The following TUBGCP5 variants were observed in gnomAD, a reference collection of about 807,000 sequenced individuals.
The protein encoded by TUBGCP5 is gamma-tubulin complex component 5.
TUBGCP5 carries 98 observed loss-of-function variants against 134.7 expected under a neutral mutation model. The observed-to-expected ratio is 0.73, with a 90% CI of 0.62 to 0.86. TUBGCP5 has a LOEUF of 0.86. Ranked by LOEUF, TUBGCP5 falls within the 40% of genes least tolerant of loss-of-function variation. The probability of loss-of-function intolerance (pLI) is 0.00; values close to 1 mark genes in which losing one functional copy is unlikely to be tolerated. For synonymous variants in TUBGCP5, 456 were observed against 431.4 expected (o/e 1.06, Z -0.71); for missense variants, 1,150 against 1,244.8 (o/e 0.92, Z 1.15).
chr15:22,984,073 T>G (rs1436570987), intron 23 of TUBGCP5, among the ~76,000 whole-genome samples: 5 of 152,024 alleles, frequency 3.3e-5, no homozygotes, highest in Admixed American at 2.6e-4. Flanking sequence ...TGAGCTGACA[T>G]CGTGCCACTG....
intron 23 of TUBGCP5, among the ~76,000 whole-genome samples, chr15:22,993,000 C>CGGCAAATGATGCTAAAATAAGAAAAT (rs1291112227): frequency 5.8e-4 from 88 of 151,980 alleles, no homozygotes; most frequent in African/African-American, 2.0e-3. Context: ...CCTCCCCATA[C>CGGCAAATGATGCTAAAATAAGAAAAT]GGCAAATGAT....
At position 22,986,190 on chromosome 15, in the gene TUBGCP5, A is replaced by G. The variant is rs557938224; in HGVS notation, c.*62-2579T>C. Among the ~76,000 whole-genome samples, 439 of 151,714 alleles carry G rather than the reference A, an allele frequency of 2.9e-3. 4 individuals carry two copies. Among genetic ancestry groups the G allele is most frequent in the African/African-American group, 0.01 (424 of 41,424 alleles). ...AATAAAAATAAACAAAATAACAAGT[A>G]TTGGCAAGGATATGATGAAATTGGA... On this transcript the variant is annotated intron_variant and NMD_transcript_variant, in intron 23 of 23. Transcript: ENST00000614508.
Position 23,006,261 on chromosome 15 carries a change from C to A in TUBGCP5, c.2412+7G>T. 1 of 1,607,674 alleles carries A rather than the reference C, an allele frequency of 6.2e-7. No individual in the cohort carries two copies. The highest frequency in any genetic ancestry group is 8.5e-7 in the Non-Finnish European group (1 of 1,176,988). On this transcript the variant is annotated splice_region_variant and intron_variant, in intron 17 of 22. Coordinates refer to ENST00000615383, the MANE Select transcript of TUBGCP5 (RefSeq NM_052903.6). The stretch of plus-strand genomic sequence containing the variant: ...ACACGGTTCATACAAGGAATATCAG[C>A]ATATACCTTGTAGCTGAGGGTCAGA...
intron 18 of TUBGCP5, 72 bp from the exon 19 acceptor site, chr15:23,005,682 G>T: frequency 6.8e-7 from 1 of 1,462,746 alleles, no homozygotes; most frequent in Non-Finnish European, 9.4e-7. Context: ...ATGACGCCTG[G>T]CAGAAACACT....
At position 23,024,755 on chromosome 15, in the gene TUBGCP5, TATA is replaced by T. The variant is rs767185442; in HGVS notation, c.900_902del (p.Ile301del). ...AACTTACATGTGTTAAATGAGTTACTATAATATTGTTTCTCACAGTTACCTTCC... is the reference window on the plus strand; with the variant it reads ...AACTTACATGTGTTAAATGAGTTACTATATTGTTTCTCACAGTTACCTTCC... On this transcript the variant is annotated inframe_deletion, in exon 9 of 23. Coordinates refer to ENST00000615383, the MANE Select transcript of TUBGCP5 (RefSeq NM_052903.6). The T allele has an allele frequency of 3.2e-6, 5 of 1,563,698 alleles. No homozygotes were observed. The highest frequency in any genetic ancestry group is 4.4e-6 in the Non-Finnish European group (5 of 1,140,932).
At chr15:23,033,906 T>A (rs1419392443) in intron 3 of TUBGCP5, among the ~76,000 whole-genome samples, 2 of 152,158 alleles carry the variant, frequency 1.3e-5, no homozygotes, top group Non-Finnish European at 2.9e-5. Context: ...TGCCAGTCTT[T>A]TCTTATTTAT....
In TUBGCP5 at chr15:23,000,810, A is replaced by G. The variant is rs2064330624; in HGVS notation, c.2928-141T>C. On this transcript the variant is annotated intron_variant, in intron 21 of 22. Transcript: ENST00000615383. ...ATCTAAAGATTATAAAATAAAACAC[A>G]TAACGTCCTACCCTACTTTAAAATA... 1.1e-5 allele frequency: 7 copies of G among 637,374 alleles called. No homozygotes were observed. The South Asian group carries it at 1.5e-4, about 14-fold the overall frequency. 39.5% of individuals were successfully genotyped at this position (637,374 alleles called of 1,614,324 possible).
At chr15:22,995,731 C>T (rs774635888), downstream of TUBGCP5, among the ~76,000 whole-genome samples, 3 of 152,072 alleles carry the variant, frequency 2.0e-5, no homozygotes, top group Non-Finnish European at 2.9e-5. Flanking sequence ...ACCTGTGGGA[C>T]CAATGAAGAC....
chr15:23,024,388 G>T, intron 9 of TUBGCP5, 195 bp from the exon 10 acceptor site: 1 of 569,218 alleles, frequency 1.8e-6, no homozygotes, highest in Non-Finnish European at 2.8e-6. Flanking sequence ...CAACAGACTA[G>T]AGAATTATGG....
downstream of TUBGCP5, among the ~76,000 whole-genome samples, chr15:22,994,599 T>C (rs2063986927): frequency 6.6e-6 from 1 of 152,234 alleles, no homozygotes. Flanking sequence ...TGTTTATTCA[T>C]TCACCAGTTG....
chr15:23,026,088 G>T (rs1412604346), intron 8 of TUBGCP5, 28 bp downstream of exon 8: 1 of 1,559,742 alleles, frequency 6.4e-7, no homozygotes, highest in Non-Finnish European at 8.7e-7. Flanking sequence ...GTCTCATAAA[G>T]ACTATTAATT....
intron 3 of TUBGCP5, among the ~76,000 whole-genome samples, chr15:23,033,209 T>C (rs916277070): frequency 2.0e-5 from 3 of 152,130 alleles, no homozygotes; most frequent in African/African-American, 7.2e-5. Context: ...ATATTTTATT[T>C]AACCAGTCCC....
Position 22,999,503 on chromosome 15 carries a change from T to C in TUBGCP5, c.*317A>G. On this transcript the variant is annotated 3_prime_UTR_variant, in exon 23 of 23. Coordinates refer to ENST00000615383, the MANE Select transcript of TUBGCP5 (RefSeq NM_052903.6). ...GTAGCCTTGACCTCCTGGGCTCAAG[T>C]AATCCTCCCATCTTTGCCTCCTGAG... 3.2e-6 allele frequency: 1 copy of C among 313,452 alleles called. No homozygotes were observed. Among genetic ancestry groups the C allele is most frequent in the South Asian group, 3.8e-5 (1 of 26,100 alleles). 19.4% of individuals were successfully genotyped at this position (313,452 alleles called of 1,614,324 possible). A position where few individuals can be genotyped will look rare whatever the true frequency, so the allele number is the denominator to read the frequency against.
At chr15:23,023,655 A>G (rs1037450058) in intron 10 of TUBGCP5, 15 of 299,880 alleles carry the variant, frequency 5.0e-5, no homozygotes, top group Non-Finnish European at 6.9e-5. Context: ...TCTTTCTGGA[A>G]GGATGCGTAA....
At chr15:23,004,070 G>C (rs1175992606) in intron 20 of TUBGCP5, 32 bp downstream of exon 20, 2 of 1,585,850 alleles carry the variant, frequency 1.3e-6, no homozygotes, top group South Asian at 2.3e-5. Context: ...TCGCCCAGCA[G>C]TGGCCACATC....
At position 23,024,359 on chromosome 15, in the gene TUBGCP5, A is replaced by G. The variant is rs189180754; in HGVS notation, c.922-166T>C. ...ATATTTATAATTTTATACACAAAGG[A>G]AAAAGTGAACAATAATTTCAACAGA... On this transcript the variant is annotated intron_variant, in intron 9 of 22. Coordinates refer to ENST00000615383, the MANE Select transcript of TUBGCP5 (RefSeq NM_052903.6). The G allele has an allele frequency of 9.4e-4, 662 of 702,154 alleles. 1 individual carries two copies. Among genetic ancestry groups the G allele is most frequent in the Non-Finnish European group, 1.2e-3 (566 of 472,374 alleles). The allele number at this position is 702,154 out of a possible 1,614,324, so 43.5% of individuals were successfully genotyped here.
chr15:23,024,320 T>C, intron 9 of TUBGCP5, 127 bp from the exon 10 acceptor site: 1 of 985,440 alleles, frequency 1.0e-6, no homozygotes, highest in South Asian at 2.1e-5. Context: ...GAAGACAAAG[T>C]AATAATATGA....
chr15:23,018,632 C>T (rs1444798748), intron 12 of TUBGCP5, among the ~76,000 whole-genome samples: 2 of 152,098 alleles, frequency 1.3e-5, no homozygotes, highest in East Asian at 1.9e-4. Flanking sequence ...GGATAGCTAT[C>T]AATAGAAACC....
intron 13 of TUBGCP5, 38 bp from the exon 14 acceptor site, chr15:23,011,369 T>C (rs767666707): frequency 2.5e-5 from 37 of 1,474,570 alleles, no homozygotes; most frequent in Non-Finnish European, 3.5e-5. Flanking sequence ...AACTAAGTTC[T>C]GTTTAATCAT....
Sources: gnomAD v4.1 joint callset for allele counts (sites outside exome capture counted in the v4.1 genomes callset) on GRCh38, gnomAD v4.1.1 for gene constraint, MANE v1.5 for transcripts, NCBI Gene and HGNC (gene_info 2026-07-23, HGNC 2026-07-21) for gene names.